STN1: variants seen among roughly 807,000 people sequenced by gnomAD.
STN1 encodes the protein CST complex subunit STN1.
STN1 carries 29 observed loss-of-function variants against 45.5 expected under a neutral mutation model. The observed-to-expected ratio is 0.64, with a 90% CI of 0.47 to 0.87. STN1 has a LOEUF of 0.87. Ranked by LOEUF, STN1 falls within the 40% of genes least tolerant of loss-of-function variation. The pLI is 0.00. For synonymous variants in STN1, 148 were observed against 159.0 expected, an observed-to-expected ratio of 0.93 and a Z score of 0.52; for missense variants, 376 against 441.4, an observed-to-expected ratio of 0.85 and a Z score of 1.33.
chr10:103,889,160 A>T lies in STN1; in HGVS notation c.877-16T>A, dbSNP rs774114135. Reference sequence around the variant, plus strand: ...CTCTGGTTACCTAAATAGGAAAAATAGTTGAGAGAGAGAGTGTTCTTAGGT... The same window carrying T: ...CTCTGGTTACCTAAATAGGAAAAATTGTTGAGAGAGAGAGTGTTCTTAGGT... On this transcript the variant is annotated splice_polypyrimidine_tract_variant and intron_variant, in intron 8 of 9. Coordinates refer to ENST00000224950, the MANE Select transcript of STN1 (RefSeq NM_024928.5). 39 of 1,564,002 alleles carry T rather than the reference A, an allele frequency of 2.5e-5. No individual in the cohort carries two copies. The South Asian group carries it at 4.2e-4, about 17-fold the overall frequency.
At chr10:103,912,651 G>A (rs1271042335) in intron 2 of STN1, among the ~76,000 whole-genome samples, 1 of 152,236 alleles carries the variant, frequency 6.6e-6, no homozygotes, top group Admixed American at 6.5e-5. Context: ...CTGAGGCATG[G>A]TGCTGCTTTG....
Position 103,900,108 on chromosome 10 carries a change from A to G in STN1, c.411T>C (p.Ser137=), listed in dbSNP as rs746434063. The change falls in exon 5 of 10, where the codon AGT becomes AGC. Residue 137 remains serine, a synonymous_variant. Transcript: ENST00000224950. ...EIGDTIRVRG[S]IRTYREEREI... ...CTCGCTCTTCTCTGTATGTGCGGAT[A>G]CTGCCTCTGACTCGGATCGTGTCCC... 6.2e-7 allele frequency: 1 copy of G among 1,614,214 alleles called. No homozygotes were observed. Among genetic ancestry groups the G allele is most frequent in the South Asian group, 1.1e-5 (1 of 91,082 alleles).
rs150432784 is a variant in STN1 at position 103,887,181 on chromosome 10, G to T, written c.949+1891C>A. On this transcript the variant is annotated intron_variant, in intron 9 of 9. Coordinates refer to ENST00000224950, the MANE Select transcript of STN1 (RefSeq NM_024928.5). ...TTACCTATACATGTAACAGCATGCT[G>T]TCCAGCTAATGAAAAGACGTAGGCA... Among the ~76,000 whole-genome samples the T allele has an allele frequency of 5.3e-4, 80 of 152,336 alleles. 1 individual carries two copies. The East Asian group carries it at 0.015, about 28-fold the overall frequency.
intron 4 of STN1, among the ~76,000 whole-genome samples, chr10:103,902,392 C>T (rs562513752): frequency 2.7e-4 from 41 of 152,268 alleles, no homozygotes; most frequent in African/African-American, 9.4e-4. Flanking sequence ...CTTCACATAG[C>T]ACCACTGAAA....
At chr10:103,915,109 G>A (rs1289346218) in intron 2 of STN1, among the ~76,000 whole-genome samples, 1 of 152,194 alleles carries the variant, frequency 6.6e-6, no homozygotes, top group African/African-American at 2.4e-5. Flanking sequence ...CAGGGTCTGG[G>A]AGGGCACAAA....
At chr10:103,891,320 AT>A (rs1843138040) in intron 8 of STN1, among the ~76,000 whole-genome samples, 1 of 152,360 alleles carries the variant, frequency 6.6e-6, no homozygotes, top group East Asian at 1.9e-4. Flanking sequence ...AACGAGGTAG[AT>A]TTATAACTAC....
chr10:103,897,358 C>T (rs1212004046), intron 7 of STN1, among the ~76,000 whole-genome samples, 190 bp downstream of exon 7: 2 of 152,088 alleles, frequency 1.3e-5, no homozygotes, highest in Non-Finnish European at 2.9e-5. Flanking sequence ...CAGGTCCAGC[C>T]TTATGCCTCA....
intron 2 of STN1, among the ~76,000 whole-genome samples, chr10:103,915,764 C>T (rs1252868334): frequency 6.6e-6 from 1 of 152,068 alleles, no homozygotes. Context: ...GCAGTGGTCC[C>T]CAACCTTTTT....
At chr10:103,911,784 T>C (rs1843292489) in intron 2 of STN1, among the ~76,000 whole-genome samples, 1 of 152,110 alleles carries the variant, frequency 6.6e-6, no homozygotes, top group Non-Finnish European at 1.5e-5. Context: ...TTCTGTCCAT[T>C]CATGGGGGGA....
chr10:103,917,373 T>TCCTAAAAGCC, intron 2 of STN1, 89 bp downstream of exon 2: 1 of 1,290,796 alleles, frequency 7.7e-7, no homozygotes, highest in Non-Finnish European at 1.1e-6. Context: ...GGGAAGGCTC[T>TCCTAAAAGCC]CCTAAAAGCC....
At chr10:103,892,331 G>T in intron 7 of STN1, 79 bp from the exon 8 acceptor site, 1 of 1,347,652 alleles carries the variant, frequency 7.4e-7, no homozygotes, top group Non-Finnish European at 9.9e-7. Context: ...TAGACCAACT[G>T]GTTCATGAAT....
intron 3 of STN1, among the ~76,000 whole-genome samples, chr10:103,908,362 A>G (rs998791667): frequency 1.3e-5 from 2 of 152,060 alleles, no homozygotes; most frequent in African/African-American, 4.8e-5. Context: ...GAATGGAGGC[A>G]CCCTTGCAGT....
chr10:103,888,189 G>GAAACCTGGC lies in STN1; in HGVS notation c.949+874_949+882dup, dbSNP rs1278811904. On this transcript the variant is annotated intron_variant, in intron 9 of 9. Coordinates refer to ENST00000224950, the MANE Select transcript of STN1 (RefSeq NM_024928.5). The stretch of plus-strand genomic sequence containing the variant: ...CTGTCTACCATAAACACCAGTGCTG[G>GAAACCTGGC]AAACCTGGCCCAGCTTCACCCACTG... 8.7e-4 allele frequency among the ~76,000 whole-genome samples: 132 copies of GAAACCTGGC among 152,172 alleles called. 1 individual carries two copies. Among genetic ancestry groups the GAAACCTGGC allele is most frequent in the Non-Finnish European group, 8.8e-5 (6 of 68,034 alleles).
In STN1 at chr10:103,882,288, A is replaced by C. The variant is rs1181008976; in HGVS notation, c.*396T>G. Among the ~76,000 whole-genome samples the C allele has an allele frequency of 6.6e-6, 1 of 152,240 alleles. No individual in the cohort carries two copies. Among genetic ancestry groups the C allele is most frequent in the Non-Finnish European group, 1.5e-5 (1 of 68,040 alleles). ...TTGAAAAGCTTAGAACTGTGTGATCAGGCCATATGCCCCTCAGTTCCTGAA... is the reference window on the plus strand; with the variant it reads ...TTGAAAAGCTTAGAACTGTGTGATCCGGCCATATGCCCCTCAGTTCCTGAA... On this transcript the variant is annotated 3_prime_UTR_variant, in exon 10 of 10. Coordinates refer to ENST00000224950, the MANE Select transcript of STN1 (RefSeq NM_024928.5).
intron 2 of STN1, among the ~76,000 whole-genome samples, chr10:103,915,388 A>G (rs972538693): frequency 6.6e-6 from 1 of 152,128 alleles, no homozygotes; most frequent in Non-Finnish European, 1.5e-5. Context: ...CCCACCCCAA[A>G]CTATCTAGGG....
chr10:103,900,275 T>C lies in STN1; in HGVS notation c.296-52A>G, dbSNP rs766994376. On this transcript the variant is annotated intron_variant, in intron 4 of 9. Coordinates refer to ENST00000224950, the MANE Select transcript of STN1 (RefSeq NM_024928.5). ...AGAGAAAAAGTTATAACACAATCACTCTACCACATCTGTGAGACAGTTTTA... is the reference window on the plus strand; with the variant it reads ...AGAGAAAAAGTTATAACACAATCACCCTACCACATCTGTGAGACAGTTTTA... 8.3e-6 allele frequency: 13 copies of C among 1,568,756 alleles called. No homozygotes were observed. In the South Asian group the frequency reaches 1.5e-4, roughly 18 times the overall value.
At chr10:103,898,672 A>ATGT (rs1843187396) in intron 6 of STN1, among the ~76,000 whole-genome samples, 9 of 152,244 alleles carry the variant, frequency 5.9e-5, no homozygotes, top group Middle Eastern at 3.4e-3. Context: ...CCTCACGACA[A>ATGT]CCCTAGGACA....
At chr10:103,895,425 T>C (rs1000615687) in intron 7 of STN1, among the ~76,000 whole-genome samples, 1 of 152,204 alleles carries the variant, frequency 6.6e-6, no homozygotes, top group Non-Finnish European at 1.5e-5. Flanking sequence ...CCAAACATGC[T>C]GATAGAATCA....
chr10:103,899,335 A>T (rs1308551862), intron 5 of STN1, among the ~76,000 whole-genome samples: 1 of 152,240 alleles, frequency 6.6e-6, no homozygotes, highest in African/African-American at 2.4e-5. Context: ...CAAAGGGAAG[A>T]TGATGGGGAA....
Sources: gnomAD v4.1 joint callset for allele counts (sites outside exome capture counted in the v4.1 genomes callset) on GRCh38, gnomAD v4.1.1 for gene constraint, MANE v1.5 for transcripts, NCBI Gene and HGNC (gene_info 2026-07-23, HGNC 2026-07-21) for gene names.